PHKA2: variants seen among roughly 807,000 people sequenced by gnomAD.
PHKA2 encodes the protein phosphorylase kinase regulatory subunit alpha 2.
Under a neutral mutation model 102.0 loss-of-function variants are expected in PHKA2, and 31 were observed. The ratio of observed to expected loss-of-function variants is 0.30; its 90% CI spans 0.23 to 0.41. The LOEUF is 0.41. Among genes scored for constraint, PHKA2 ranks in the 10% least tolerant of loss-of-function variants. The pLI is 1.00. For missense variants in PHKA2, 858 were observed against 1,023.1 expected, an observed-to-expected ratio of 0.84 and a Z score of 2.20; for synonymous variants, 455 against 416.2, an observed-to-expected ratio of 1.09 and a Z score of -1.13.
intron 1 of PHKA2, among the ~76,000 whole-genome samples, chrX:18,957,963 A>C (rs2048809043): frequency 9.1e-6 from 1 of 109,349 alleles, no homozygotes; most frequent in Admixed American, 9.8e-5. Context: ...GGGTTCAAGC[A>C]ATTCTCCTGC....
chrX:18,982,236 C>T (rs775316637), intron 1 of PHKA2, among the ~76,000 whole-genome samples: 1 of 111,798 alleles, frequency 8.9e-6, no homozygotes, highest in South Asian at 3.7e-4. Context: ...AGACCATCAT[C>T]CTTCATGTGC....
chrX:18,906,462 C>T (rs561631703), intron 25 of PHKA2, 33 bp downstream of exon 25: 21 of 1,208,461 alleles, frequency 1.7e-5, no homozygotes, highest in African/African-American at 1.6e-4. Context: ...GGGTGGGGTG[C>T]GGCGGGAGCT....
chrX:18,944,251 T>TTGTGTGTG (rs1008044491), intron 6 of PHKA2, among the ~76,000 whole-genome samples: 5 of 109,779 alleles, frequency 4.6e-5, no homozygotes, highest in Non-Finnish European at 7.6e-5. Context: ...GTTCATAACG[T>TTGTGTGTG]TGTGTGTGTG....
intron 19 of PHKA2, among the ~76,000 whole-genome samples, chrX:18,914,524 G>T (rs1288995082): frequency 9.0e-6 from 1 of 111,396 alleles, no homozygotes; most frequent in East Asian, 2.8e-4. Flanking sequence ...CCTAGAAGGG[G>T]TGTCCAAAAC....
intron 19 of PHKA2, among the ~76,000 whole-genome samples, chrX:18,914,629 A>T (rs1446836372): frequency 2.7e-5 from 3 of 112,035 alleles, no homozygotes; most frequent in Admixed American, 9.5e-5. Flanking sequence ...ACTCACTCTG[A>T]CAGAAGACTG....
At chrX:18,917,066 GGCCTCACTATCTT>G (rs1384084110) in intron 19 of PHKA2, among the ~76,000 whole-genome samples, 1 of 107,973 alleles carries the variant, frequency 9.3e-6, no homozygotes, top group Admixed American at 1.0e-4. Flanking sequence ...GTAGAGACAG[GGCCTCACTATCTT>G]GCCCAGGCTG....
chrX:18,908,664 G>A (rs758520366), intron 21 of PHKA2, 137 bp downstream of exon 21: 33 of 552,175 alleles, frequency 6.0e-5, no homozygotes, highest in Non-Finnish European at 1.0e-4. Flanking sequence ...GAGAAAACAG[G>A]CCTTCCCAGA....
chrX:18,913,221 A>G (rs773436529), intron 19 of PHKA2, among the ~76,000 whole-genome samples: 2 of 111,528 alleles, frequency 1.8e-5, no homozygotes, highest in Admixed American at 9.5e-5. Flanking sequence ...GGCCTAGGAC[A>G]TGACTGTACA....
At chrX:18,895,254 A>G (rs1365462993) in intron 30 of PHKA2, 63 bp from the exon 31 acceptor site, 3 of 996,126 alleles carry the variant, frequency 3.0e-6, no homozygotes, top group Non-Finnish European at 4.3e-6. Context: ...ATGCATGCAC[A>G]CACAGGCGTG....
At chrX:18,936,813 T>C in intron 10 of PHKA2, among the ~76,000 whole-genome samples, 1 of 112,190 alleles carries the variant, frequency 8.9e-6, no homozygotes, top group East Asian at 2.8e-4. Flanking sequence ...ATATTAAAAA[T>C]GTCATTGGGC....
intron 10 of PHKA2, among the ~76,000 whole-genome samples, chrX:18,937,530 TTTC>T (rs2048413160): frequency 9.0e-6 from 1 of 111,177 alleles, no homozygotes; most frequent in Non-Finnish European, 1.9e-5. Flanking sequence ...CAGAGAAAGC[TTTC>T]TGAAAGAAGA....
chrX:18,903,545 C>T (rs753472171), intron 26 of PHKA2, among the ~76,000 whole-genome samples: 1 of 112,391 alleles, frequency 8.9e-6, no homozygotes, highest in Non-Finnish European at 1.9e-5. Context: ...AGTGCCACAG[C>T]GGGGTCTGGA....
Position 18,920,180 on chromosome X carries a change from C to T in PHKA2, c.1815G>A (p.Ser605=), listed in dbSNP as rs2048091971. ...GGARVKLGNL[S]EFLTTSFYTY... ...TGTAGAACGATGTGGTGAGAAATTC[C>T]GAAAGGTTCCCTAATTTTACTCTGC... is the stretch of plus-strand genomic sequence containing the variant. The change falls in exon 18 of 33, where the codon TCG becomes TCA. Residue 605 remains serine, a synonymous_variant. Transcript: ENST00000379942. 3 of 1,054,095 alleles carry T rather than the reference C, an allele frequency of 2.8e-6. No homozygotes were observed. The highest frequency in any genetic ancestry group is 1.9e-5 in the South Asian group (1 of 53,444). The allele number at this position is 1,054,095 out of a possible 1,213,427, so 86.9% of individuals were successfully genotyped here.
chrX:18,895,530 G>A, intron 30 of PHKA2: 1 of 271,509 alleles, frequency 3.7e-6, no homozygotes, highest in Non-Finnish European at 6.6e-6. Context: ...TAATAAAGGG[G>A]GATTTTCATG....
chrX:18,957,738 T>TTTTATATATATATATATATACATA (rs1556017565), intron 1 of PHKA2, among the ~76,000 whole-genome samples: 1 of 95,182 alleles, frequency 1.1e-5, no homozygotes, highest in African/African-American at 4.4e-5. Context: ...TAAAACCAGA[T>TTTTATATATATATATATATACATA]TATATATATA....
At chrX:18,930,195 C>T (rs2147930131) in intron 12 of PHKA2, among the ~76,000 whole-genome samples, 1 of 111,741 alleles carries the variant, frequency 8.9e-6, no homozygotes, top group Non-Finnish European at 1.9e-5. Context: ...AATCAATCTG[C>T]CTCATGTCAG....
At chrX:18,920,290 G>A (rs2147898036) in intron 17 of PHKA2, 89 bp from the exon 18 acceptor site, 2 of 559,960 alleles carry the variant, frequency 3.6e-6, no homozygotes, top group East Asian at 6.6e-5. Context: ...ACAACCATGT[G>A]GTGCTTCTGC....
At chrX:18,979,271 T>C (rs759638786) in intron 1 of PHKA2, among the ~76,000 whole-genome samples, 40 of 112,705 alleles carry the variant, frequency 3.5e-4, no homozygotes, top group Non-Finnish European at 4.3e-4. Context: ...TTATTATTGT[T>C]ACTATTTGTT....
intron 1 of PHKA2, among the ~76,000 whole-genome samples, chrX:18,957,050 C>T (rs2048787475): frequency 8.9e-6 from 1 of 112,283 alleles, no homozygotes; most frequent in South Asian, 3.7e-4. Flanking sequence ...TTACAGATGC[C>T]TGCCACCACA....
Sources: gnomAD v4.1 joint callset for allele counts (sites outside exome capture counted in the v4.1 genomes callset) on GRCh38, gnomAD v4.1.1 for gene constraint, MANE v1.5 for transcripts, NCBI Gene and HGNC (gene_info 2026-07-23, HGNC 2026-07-21) for gene names.